The following TDRD7 variants were observed in gnomAD, a reference collection of about 807,000 sequenced individuals.
TDRD7 encodes the protein tudor domain containing 7.
Under a neutral mutation model 109.8 loss-of-function variants are expected in TDRD7, and 47 were observed. That is an observed-to-expected ratio of 0.43 (90% CI 0.34 to 0.55). The LOEUF is 0.55. Ranked by LOEUF, TDRD7 falls within the 20% of genes least tolerant of loss-of-function variation. TDRD7 has a pLI of 0.03. For missense variants in TDRD7, 1,164 were observed against 1,319.2 expected, an observed-to-expected ratio of 0.88 and a Z score of 1.82; for synonymous variants, 424 against 457.3, an observed-to-expected ratio of 0.93 and a Z score of 0.93.
chr9:97,424,418 AAGG>A (rs1827952973), intron 1 of TDRD7, among the ~76,000 whole-genome samples: 1 of 152,132 alleles, frequency 6.6e-6, no homozygotes, highest in African/African-American at 2.4e-5. Context: ...ATTGACGAGA[AAGG>A]AGTTTTGAAG....
intron 8 of TDRD7, 79 bp from the exon 9 acceptor site, chr9:97,470,479 A>G (rs1020787245): frequency 1.5e-5 from 20 of 1,326,214 alleles, no homozygotes; most frequent in Admixed American, 1.3e-4. Context: ...ATGGAATAAG[A>G]TTGAGCCAAT....
In TDRD7 at chr9:97,473,507, A is replaced by G. The variant is rs565575456; in HGVS notation, c.1960A>G (p.Thr654Ala). The G allele has an allele frequency of 6.2e-7, 1 of 1,613,696 alleles. No individual in the cohort carries two copies. The highest frequency in any genetic ancestry group is 1.7e-5 in the Admixed American group (1 of 59,996). ...TCTGTTATAGGTTGACGCCATGTACACAAATGTCAAAGTAACTAATATTTG... is the reference window on the plus strand; with the variant it reads ...TCTGTTATAGGTTGACGCCATGTACGCAAATGTCAAAGTAACTAATATTTG... ...EVHLQVDAMYTNVKVTNICSD... is the reference protein window; with the variant it reads ...EVHLQVDAMYANVKVTNICSD... Residue 654 changes from threonine to alanine, a missense_variant, in exon 11 of 17, where the codon ACA (threonine) becomes GCA (alanine). Thr to Ala is a moderately conservative substitution (Grantham distance 58). Coordinates refer to ENST00000355295, the MANE Select transcript of TDRD7 (RefSeq NM_014290.3).
intron 1 of TDRD7, among the ~76,000 whole-genome samples, chr9:97,417,442 A>C (rs1319722647): frequency 6.6e-6 from 1 of 152,186 alleles, no homozygotes; most frequent in Non-Finnish European, 1.5e-5. Flanking sequence ...ACCAGCTAAG[A>C]GCCCAGCTGC....
At chr9:97,413,601 TA>T (rs1827761562) in intron 1 of TDRD7, among the ~76,000 whole-genome samples, 1 of 152,230 alleles carries the variant, frequency 6.6e-6, no homozygotes, top group Non-Finnish European at 1.5e-5. Context: ...ACATGGTGGA[TA>T]TTTTTGCATT....
chr9:97,422,486 T>C (rs763104584), intron 1 of TDRD7, among the ~76,000 whole-genome samples: 1 of 152,254 alleles, frequency 6.6e-6, no homozygotes, highest in Non-Finnish European at 1.5e-5. Context: ...TTGATAATAT[T>C]ATACTATTTT....
Position 97,482,898 on chromosome 9 carries a change from C to G in TDRD7, c.2462C>G (p.Thr821Ser). ...TRGIAHVYLF[T>S]PKNFPDPHRS... Reference sequence around the variant, plus strand: ...GGGATCGCACATGTTTATTTATTTACCCCTAAGAACTTCCCTGACCCTCAT... The same window carrying G: ...GGGATCGCACATGTTTATTTATTTAGCCCTAAGAACTTCCCTGACCCTCAT... The change falls in exon 15 of 17, where the codon ACC (threonine) becomes AGC (serine). Residue 821 changes from threonine (T) to serine (S), a missense_variant. Physicochemically the swap from Thr to Ser is moderately conservative, Grantham distance 58. Coordinates refer to ENST00000355295, the MANE Select transcript of TDRD7 (RefSeq NM_014290.3). 1 of 1,614,132 alleles carries G rather than the reference C, an allele frequency of 6.2e-7. No individual in the cohort carries two copies. The highest frequency in any genetic ancestry group is 8.5e-7 in the Non-Finnish European group (1 of 1,180,012).
intron 1 of TDRD7, among the ~76,000 whole-genome samples, chr9:97,423,746 G>A (rs929509533): frequency 6.6e-6 from 1 of 152,020 alleles, no homozygotes; most frequent in African/African-American, 2.4e-5. Flanking sequence ...TAATTTTGGA[G>A]GTAGCCTTTC....
chr9:97,420,862 G>T (rs547143611), intron 1 of TDRD7, among the ~76,000 whole-genome samples: 26 of 152,354 alleles, frequency 1.7e-4, no homozygotes, highest in African/African-American at 6.3e-4. Context: ...GGCCGGGGCA[G>T]TGGCTTATGT....
chr9:97,452,572 A>T (rs1400185266), intron 6 of TDRD7, among the ~76,000 whole-genome samples: 2 of 152,220 alleles, frequency 1.3e-5, no homozygotes, highest in Non-Finnish European at 2.9e-5. Flanking sequence ...TAAGAATAAT[A>T]TAAAACTGCT....
At chr9:97,430,217 A>C (rs936108661) in intron 2 of TDRD7, among the ~76,000 whole-genome samples, 1 of 152,064 alleles carries the variant, frequency 6.6e-6, no homozygotes, top group Admixed American at 6.5e-5. Context: ...TTTTTTCTTT[A>C]AAGATACAGA....
At chr9:97,488,878 T>C (rs535816219) in intron 16 of TDRD7, among the ~76,000 whole-genome samples, 1 of 152,380 alleles carries the variant, frequency 6.6e-6, no homozygotes, top group South Asian at 2.1e-4. Flanking sequence ...GAAAATACTT[T>C]TTCATTTCTC....
chr9:97,423,989 G>A (rs923351168), intron 1 of TDRD7, among the ~76,000 whole-genome samples: 1 of 151,088 alleles, frequency 6.6e-6, no homozygotes, highest in Admixed American at 6.6e-5. Context: ...TCTTTGGAGT[G>A]GAGTGTTCTG....
At chr9:97,446,997 T>C (rs1237150229) in intron 6 of TDRD7, among the ~76,000 whole-genome samples, 2 of 152,208 alleles carry the variant, frequency 1.3e-5, no homozygotes, top group African/African-American at 4.8e-5. Flanking sequence ...AGTATAATCA[T>C]AATATTTTTT....
In TDRD7 at chr9:97,482,930, A is replaced by G. The variant is rs766576013; in HGVS notation, c.2494A>G (p.Ile832Val). Reference sequence around the variant, plus strand: ...GAACTTCCCTGACCCTCATCGCAGTATTAATCGCCAGATTACAAATGCAGA... The same window carrying G: ...GAACTTCCCTGACCCTCATCGCAGTGTTAATCGCCAGATTACAAATGCAGA... ...PKNFPDPHRS[I>V]NRQITNADLW... is the part of the protein sequence containing the mutation. Residue 832 changes from isoleucine to valine, a missense_variant, in exon 15 of 17, where the codon ATT (isoleucine) becomes GTT (valine). Ile to Val is a conservative substitution (Grantham distance 29). Around this residue, in one of 5 missense-constraint regions of TDRD7, gnomAD observed 233 missense variants for 218.0 expected, o/e 1.07. Coordinates refer to ENST00000355295, the MANE Select transcript of TDRD7 (RefSeq NM_014290.3). 1.9e-6 allele frequency: 3 copies of G among 1,614,216 alleles called. No homozygotes were observed. Among genetic ancestry groups the G allele is most frequent in the Admixed American group, 3.3e-5 (2 of 60,020 alleles).
intron 1 of TDRD7, among the ~76,000 whole-genome samples, chr9:97,426,638 A>G (rs980317594): frequency 6.6e-6 from 1 of 152,342 alleles, no homozygotes; most frequent in African/African-American, 2.4e-5. Flanking sequence ...AGGATTATCA[A>G]GATATTACTA....
At chr9:97,419,114 A>G (rs931356289) in intron 1 of TDRD7, among the ~76,000 whole-genome samples, 1 of 152,222 alleles carries the variant, frequency 6.6e-6, no homozygotes, top group African/African-American at 2.4e-5. Context: ...ACCACCTGAC[A>G]TTATATCTAT....
At chr9:97,429,381 G>C (rs1202967132) in intron 2 of TDRD7, among the ~76,000 whole-genome samples, 3 of 152,132 alleles carry the variant, frequency 2.0e-5, no homozygotes, top group Non-Finnish European at 4.4e-5. Flanking sequence ...CCAACCAAAA[G>C]AGAAACAAAA....
intron 15 of TDRD7, among the ~76,000 whole-genome samples, chr9:97,484,633 C>T (rs755247780): frequency 2.0e-5 from 3 of 152,108 alleles, no homozygotes; most frequent in Non-Finnish European, 4.4e-5. Context: ...CTCAGTGAAG[C>T]GTATAAAAGC....
At chr9:97,485,619 A>G (rs551331970) in intron 15 of TDRD7, among the ~76,000 whole-genome samples, 170 of 152,328 alleles carry the variant, frequency 1.1e-3, no homozygotes, top group African/African-American at 3.6e-3. Context: ...ATTTCTCTTC[A>G]GTTTGATCTG....
Sources: gnomAD v4.1 joint callset for allele counts (sites outside exome capture counted in the v4.1 genomes callset) on GRCh38, gnomAD v4.1.1 for gene constraint, gnomAD v4.1.1 regional missense constraint, MANE v1.5 for transcripts, NCBI Gene and HGNC (gene_info 2026-07-23, HGNC 2026-07-21) for gene names.